The following SPSB1 variants were observed in gnomAD, a reference collection of about 807,000 sequenced individuals.
The protein encoded by SPSB1 is SPRY domain-containing SOCS box protein 1.
A neutral mutation model predicts 21.2 loss-of-function variants in SPSB1; 8 were observed. The ratio of observed to expected loss-of-function variants is 0.38; its 90% CI spans 0.22 to 0.68. SPSB1 has a LOEUF of 0.68. Among genes scored for constraint, SPSB1 ranks in the 30% least tolerant of loss-of-function variants. The pLI, the probability that SPSB1 is intolerant of heterozygous loss-of-function variation, is 0.53. For synonymous variants in SPSB1, 169 were observed against 161.7 expected, an observed-to-expected ratio of 1.05 and a Z score of -0.34; for missense variants, 242 against 377.8, an observed-to-expected ratio of 0.64 and a Z score of 2.98.
chr1:9,309,756 C>T lies in SPSB1; in HGVS notation c.-150+16685C>T, dbSNP rs1569575651. The stretch of plus-strand genomic sequence containing the variant: ...ACTTGGGAGGCTGAGGCAGGAGAAT[C>T]GCTTGAACCCAGGAGGCAGAGTTTG... On this transcript the variant is annotated intron_variant, in intron 1 of 2. Transcript: ENST00000328089. Among the ~76,000 whole-genome samples, 5 of 152,266 alleles carry T rather than the reference C, an allele frequency of 3.3e-5. No homozygotes were observed. In the East Asian group the frequency reaches 9.7e-4, roughly 29 times the overall value.
chr1:9,333,751 G>A (rs1035755550), intron 1 of SPSB1, among the ~76,000 whole-genome samples: 4 of 152,040 alleles, frequency 2.6e-5, no homozygotes, highest in African/African-American at 4.8e-5. Flanking sequence ...CCAACGGAAA[G>A]GAAACGAGGT....
intron 1 of SPSB1, among the ~76,000 whole-genome samples, chr1:9,333,863 A>G (rs549351890): frequency 6.6e-6 from 1 of 152,314 alleles, no homozygotes; most frequent in South Asian, 2.1e-4. Context: ...AAAACAGCTC[A>G]AGGTAGAGAG....
At chr1:9,331,056 T>C (rs1238098868) in intron 1 of SPSB1, among the ~76,000 whole-genome samples, 1 of 152,190 alleles carries the variant, frequency 6.6e-6, no homozygotes, top group African/African-American at 2.4e-5. Flanking sequence ...GGGGATGCCA[T>C]TATTTTATTA....
chr1:9,324,501 A>G lies in SPSB1; in HGVS notation c.-149-31242A>G, dbSNP rs1569598650. ...CCCAGCCTCTGGAGGGTCGGCTCGG[A>G]GGGCTGTGGGCCCGGGACTCGGTGT... On this transcript the variant is annotated intron_variant, in intron 1 of 2. Transcript: ENST00000328089. This position sits in a 1 kb window ranked among gnomAD's most constrained non-coding sequence, Gnocchi z 4.3. Among the ~76,000 whole-genome samples the G allele has an allele frequency of 9.1e-6, 1 of 109,826 alleles. No individual in the cohort carries two copies. The highest frequency in any genetic ancestry group is 8.8e-5 in the Admixed American group (1 of 11,308). 72.1% of individuals were successfully genotyped at this position (109,826 alleles called of 152,430 possible). A position where few individuals can be genotyped will look rare whatever the true frequency, so the allele number is the denominator to read the frequency against.
intron 1 of SPSB1, among the ~76,000 whole-genome samples, chr1:9,328,052 A>G (rs1430228680): frequency 6.6e-6 from 1 of 152,236 alleles, no homozygotes; most frequent in Non-Finnish European, 1.5e-5. Flanking sequence ...CATGGTGTGG[A>G]CTTTTCAGAG....
At chr1:9,316,556 A>AG (rs547430971) in intron 1 of SPSB1, among the ~76,000 whole-genome samples, 26 of 150,918 alleles carry the variant, frequency 1.7e-4, no homozygotes, top group South Asian at 1.3e-3. Context: ...GATGGCGAGG[A>AG]GGGGGGGGCT....
intron 1 of SPSB1, among the ~76,000 whole-genome samples, chr1:9,304,293 A>G (rs949575257): frequency 6.6e-6 from 1 of 151,770 alleles, no homozygotes; most frequent in Non-Finnish European, 1.5e-5. Context: ...GCTGAGCCAC[A>G]CTCCTGGCTC....
chr1:9,358,750 C>G (rs1017131901), intron 2 of SPSB1, among the ~76,000 whole-genome samples: 2 of 152,184 alleles, frequency 1.3e-5, no homozygotes, highest in Admixed American at 1.3e-4. Context: ...GCCCTGTGCC[C>G]TCCAGGAACA....
intron 1 of SPSB1, among the ~76,000 whole-genome samples, chr1:9,333,653 C>T (rs866037904): frequency 2.0e-5 from 3 of 152,186 alleles, no homozygotes; most frequent in African/African-American, 7.2e-5. Context: ...TCCTGAAGCG[C>T]CTGCGGTGTG....
intron 1 of SPSB1, among the ~76,000 whole-genome samples, chr1:9,350,715 C>T (rs565988952): frequency 3.0e-4 from 46 of 152,354 alleles, no homozygotes; most frequent in African/African-American, 1.0e-3. Flanking sequence ...TGCGTCTGCT[C>T]CTCCTGGGTG....
intron 1 of SPSB1, among the ~76,000 whole-genome samples, chr1:9,341,691 C>T (rs930243760): frequency 7.2e-5 from 11 of 152,132 alleles, no homozygotes; most frequent in African/African-American, 1.4e-4. Flanking sequence ...ACGGTGACCA[C>T]GCTGGCCTGT....
chr1:9,343,298 G>A (rs2100503393), intron 1 of SPSB1, among the ~76,000 whole-genome samples: 1 of 152,294 alleles, frequency 6.6e-6, no homozygotes, highest in Non-Finnish European at 1.5e-5. Flanking sequence ...GTGCCAGTCT[G>A]CTTTCTGTTT....
In SPSB1 at chr1:9,348,432, G is replaced by C. The variant is rs1042400963; in HGVS notation, c.-149-7311G>C. ...TCCAGGCTCCCTCAGCCTTCAGAGA[G>C]AATGGCTGCCCTAGATCATTAAAGG... On this transcript the variant is annotated intron_variant, in intron 1 of 2. Coordinates refer to ENST00000328089, the MANE Select transcript of SPSB1 (RefSeq NM_025106.4). This position sits in a 1 kb window ranked among gnomAD's most constrained non-coding sequence, Gnocchi z 4.8. Among the ~76,000 whole-genome samples the C allele has an allele frequency of 8.6e-5, 13 of 152,028 alleles. No individual in the cohort carries two copies. The highest frequency in any genetic ancestry group is 8.5e-4 in the Admixed American group (13 of 15,276).
Position 9,309,585 on chromosome 1 carries a change from G to A in SPSB1, c.-150+16514G>A, listed in dbSNP as rs545436071. 5.9e-5 allele frequency among the ~76,000 whole-genome samples: 9 copies of A among 152,310 alleles called. No homozygotes were observed. The South Asian group carries it at 1.2e-3, about 21-fold the overall frequency. On this transcript the variant is annotated intron_variant, in intron 1 of 2. Coordinates refer to ENST00000328089, the MANE Select transcript of SPSB1 (RefSeq NM_025106.4). ...AGGCCAGGCACAGTGGCTCACGCCTGTAATCTCAGCACTTTGGGAGGCCGA... is the reference window on the plus strand; with the variant it reads ...AGGCCAGGCACAGTGGCTCACGCCTATAATCTCAGCACTTTGGGAGGCCGA...
chr1:9,316,704 G>C (rs1161436705), intron 1 of SPSB1, among the ~76,000 whole-genome samples: 2 of 152,218 alleles, frequency 1.3e-5, no homozygotes, highest in African/African-American at 2.4e-5. Context: ...GGCGCGGCAC[G>C]GGCCTTCGTC....
At chr1:9,322,226 A>G (rs564709) in intron 1 of SPSB1, among the ~76,000 whole-genome samples, 20,891 of 152,082 alleles carry the variant, frequency 0.14, 3,474 homozygotes, top group African/African-American at 0.4. Context: ...GGCTGAGTAG[A>G]GTACCAGCAT....
chr1:9,367,503 G>T lies in SPSB1; in HGVS notation c.750G>T (p.Gly250=), dbSNP rs779053735. Residue 250 remains glycine, a synonymous_variant, in exon 3 of 3, where the codon GGG becomes GGT. Coordinates refer to ENST00000328089, the MANE Select transcript of SPSB1 (RefSeq NM_025106.4). This position sits in a 1 kb window ranked among gnomAD's most constrained non-coding sequence, Gnocchi z 5.9. The part of the protein sequence containing the change: ...LCRRSVRLAL[G]RERLGEIHTL... ...GTCGCTCGGTGCGCCTGGCCCTGGG[G>T]AGGGAGCGCCTGGGGGAGATCCACA... 8 of 1,611,824 alleles carry T rather than the reference G, an allele frequency of 5.0e-6. No homozygotes were observed. In the South Asian group the frequency reaches 8.8e-5, roughly 18 times the overall value.
At chr1:9,298,821 C>G (rs1639268836) in intron 1 of SPSB1, among the ~76,000 whole-genome samples, 1 of 152,210 alleles carries the variant, frequency 6.6e-6, no homozygotes, top group South Asian at 2.1e-4. Context: ...AGTTGACATA[C>G]TTAGCACCTG....
intron 1 of SPSB1, chr1:9,294,529 C>G (rs1206112919): frequency 2.0e-5 from 3 of 152,206 alleles, no homozygotes; most frequent in African/African-American, 7.2e-5. Flanking sequence ...CAGGCTCTTC[C>G]TCTCTCCATT....
Sources: allele counts gnomAD v4.1 joint callset (sites outside exome capture counted in the v4.1 genomes callset), GRCh38; gene constraint gnomAD v4.1.1; non-coding constraint Gnocchi (gnomAD v3.1); transcripts MANE v1.5; gene names NCBI Gene and HGNC (gene_info 2026-07-23, HGNC 2026-07-21).